The following SPMIP2 variants were observed in gnomAD, a reference collection of about 807,000 sequenced individuals.
SPMIP2 encodes the protein protein SPMIP2.
the SPMIP2 span, chr4:158,973,442 C>CT: frequency 2.1e-6 from 1 of 477,810 alleles, no homozygotes; most frequent in Non-Finnish European, 3.6e-6. Context: ...TATTATAAGC[C>CT]TTTTAGACAT....
chr4:159,017,335 C>A, the SPMIP2 span, among the ~76,000 whole-genome samples: 3 of 125,314 alleles, frequency 2.4e-5, no homozygotes, highest in African/African-American at 6.4e-5. Context: ...AACAGTAAGA[C>A]AAAACACAAA....
chr4:158,953,996 G>A, the SPMIP2 span, among the ~76,000 whole-genome samples: 4 of 152,292 alleles, frequency 2.6e-5, no homozygotes, highest in African/African-American at 7.2e-5. Context: ...TTGCCTTGTC[G>A]CAGAGGAAAC....
chr4:158,973,059 C>T, the SPMIP2 span: 4 of 1,427,302 alleles, frequency 2.8e-6, no homozygotes, highest in South Asian at 4.9e-5. Flanking sequence ...CTATGAAAAG[C>T]ATAAATTTAA....
At chr4:159,079,302 G>A in the SPMIP2 span, among the ~76,000 whole-genome samples, 1 of 151,894 alleles carries the variant, frequency 6.6e-6, no homozygotes, top group African/African-American at 2.4e-5. Context: ...TGGAATTAGT[G>A]GCCAAAAAAA....
chr4:159,000,619 T>C, the SPMIP2 span, among the ~76,000 whole-genome samples: 2 of 150,690 alleles, frequency 1.3e-5, no homozygotes, highest in African/African-American at 4.9e-5. Context: ...TCAGCCTCCC[T>C]AGTATCTGAG....
chr4:158,904,794 C>T, the SPMIP2 span: 1 of 458,188 alleles, frequency 2.2e-6, no homozygotes, highest in South Asian at 2.7e-5. Context: ...AACAAAGAAA[C>T]TGACCTTTTT....
the SPMIP2 span, among the ~76,000 whole-genome samples, chr4:158,920,357 C>T: frequency 3.9e-5 from 6 of 152,106 alleles, no homozygotes; most frequent in South Asian, 2.1e-4. Context: ...TGACTGCCTG[C>T]GGGGTTGGGC....
At chr4:159,039,472 C>T in the SPMIP2 span, among the ~76,000 whole-genome samples, 1 of 152,080 alleles carries the variant, frequency 6.6e-6, no homozygotes, top group East Asian at 1.9e-4. Context: ...GTTTGGCTGA[C>T]TAGTGAGTAG....
the SPMIP2 span, among the ~76,000 whole-genome samples, chr4:159,039,784 C>T: frequency 6.6e-6 from 1 of 152,208 alleles, no homozygotes; most frequent in Non-Finnish European, 1.5e-5. Flanking sequence ...GAGATGTTGG[C>T]TATTGTCTCG....
the SPMIP2 span, among the ~76,000 whole-genome samples, chr4:158,978,805 G>T: frequency 5.3e-5 from 8 of 151,788 alleles, no homozygotes; most frequent in African/African-American, 1.9e-4. Context: ...TTGAGCCTAT[G>T]TGTGTCTTTG....
the SPMIP2 span, among the ~76,000 whole-genome samples, chr4:158,990,675 A>C: frequency 6.6e-6 from 1 of 152,180 alleles, no homozygotes; most frequent in Non-Finnish European, 1.5e-5. Context: ...CATAAGTGGG[A>C]GTTGAACAAT....
At chr4:159,075,143 T>C in the SPMIP2 span, among the ~76,000 whole-genome samples, 4 of 152,200 alleles carry the variant, frequency 2.6e-5, no homozygotes, top group African/African-American at 4.8e-5. Flanking sequence ...GTAGTCCTTA[T>C]AGGTCAGCCT....
the SPMIP2 span, among the ~76,000 whole-genome samples, chr4:159,040,702 GAT>G: frequency 2.0e-5 from 3 of 152,108 alleles, no homozygotes; most frequent in Non-Finnish European, 4.4e-5. Context: ...CTGGCCTCAA[GAT>G]ATCCTCCTAC....
At chr4:159,033,508 C>T in the SPMIP2 span, among the ~76,000 whole-genome samples, 1 of 152,022 alleles carries the variant, frequency 6.6e-6, no homozygotes, top group Non-Finnish European at 1.5e-5. Context: ...CAGACTGTGA[C>T]AAGAAAATCT....
chr4:158,984,967 T>C, the SPMIP2 span, among the ~76,000 whole-genome samples: 26 of 151,914 alleles, frequency 1.7e-4, no homozygotes, highest in East Asian at 1.9e-4. Context: ...ACCGATCCCA[T>C]AGAAATACAA....
the SPMIP2 span, among the ~76,000 whole-genome samples, chr4:158,976,688 CAG>C: frequency 1.6e-5 from 1 of 62,916 alleles, no homozygotes; most frequent in Non-Finnish European, 2.8e-5. Context: ...TTTTTTGAGA[CAG>C]AGTCTCGCTC....
the SPMIP2 span, among the ~76,000 whole-genome samples, chr4:158,924,914 T>C: frequency 1.3e-5 from 2 of 152,230 alleles, no homozygotes; most frequent in Non-Finnish European, 1.5e-5. Flanking sequence ...TTCCACTTGG[T>C]CATGATGTAT....
the SPMIP2 span, among the ~76,000 whole-genome samples, chr4:159,064,748 T>A: frequency 6.6e-6 from 1 of 152,236 alleles, no homozygotes. Flanking sequence ...TATATGCATA[T>A]ATTTATATGT....
At chr4:159,051,801 T>C in the SPMIP2 span, among the ~76,000 whole-genome samples, 6 of 152,348 alleles carry the variant, frequency 3.9e-5, no homozygotes, top group South Asian at 1.2e-3. Context: ...AGCTGCGTGC[T>C]GAAATATAGT....
Sources: gnomAD v4.1 joint callset for allele counts (sites outside exome capture counted in the v4.1 genomes callset) on GRCh38, gnomAD v4.1.1 for gene constraint, MANE v1.5 for transcripts, NCBI Gene and HGNC (gene_info 2026-07-23, HGNC 2026-07-21) for gene names.